The following SNX29 variants were observed in gnomAD, a reference collection of about 807,000 sequenced individuals.
SNX29 encodes the protein sorting nexin-29.
In SNX29, 78 loss-of-function variants were observed where a neutral mutation model predicts 102.1. The ratio of observed to expected loss-of-function variants is 0.76; its 90% CI spans 0.64 to 0.92. The LOEUF is 0.92. SNX29 is among the 40% of genes least tolerant of loss of function. The pLI is 0.00. For synonymous variants in SNX29, 580 were observed against 414.5 expected, an observed-to-expected ratio of 1.40 and a Z score of -4.85; for missense variants, 1,280 against 1,061.7, an observed-to-expected ratio of 1.21 and a Z score of -2.86.
chr16:12,070,590 G>A (rs139811356), intron 10 of SNX29, among the ~76,000 whole-genome samples: 5 of 151,738 alleles, frequency 3.3e-5, no homozygotes, highest in Admixed American at 6.6e-5. Flanking sequence ...TTGGACATTC[G>A]GGTTGGTTCC....
At chr16:12,102,784 G>T (rs1160136254) in intron 11 of SNX29, among the ~76,000 whole-genome samples, 1 of 152,228 alleles carries the variant, frequency 6.6e-6, no homozygotes, top group East Asian at 1.9e-4. Flanking sequence ...TCTGTTTGCA[G>T]ATGACATGAT....
intron 18 of SNX29, among the ~76,000 whole-genome samples, chr16:12,437,771 G>A (rs1052727433): frequency 1.3e-5 from 2 of 152,114 alleles, no homozygotes; most frequent in African/African-American, 4.8e-5. Context: ...AAAAATGCAC[G>A]CTGGCTGCTG....
At chr16:12,506,344 C>A (rs997814404) in intron 19 of SNX29, among the ~76,000 whole-genome samples, 2 of 152,174 alleles carry the variant, frequency 1.3e-5, no homozygotes, top group African/African-American at 4.8e-5. Flanking sequence ...CTGCGCCTGT[C>A]CCTGTAACTG....
At chr16:12,302,587 G>C (rs1216164813) in intron 15 of SNX29, among the ~76,000 whole-genome samples, 3 of 152,142 alleles carry the variant, frequency 2.0e-5, no homozygotes, top group African/African-American at 4.8e-5. Context: ...TTTTTTATAA[G>C]GGCATAAATC....
At chr16:12,330,210 C>A (rs763191315) in intron 15 of SNX29, among the ~76,000 whole-genome samples, 1 of 152,102 alleles carries the variant, frequency 6.6e-6, no homozygotes, top group Non-Finnish European at 1.5e-5. Context: ...AAATGGTGGT[C>A]CCCTTGTGGC....
At chr16:12,043,560 T>G (rs1406070626) in intron 5 of SNX29, among the ~76,000 whole-genome samples, 1 of 151,982 alleles carries the variant, frequency 6.6e-6, no homozygotes, top group Non-Finnish European at 1.5e-5. Flanking sequence ...TCTCAGTGTG[T>G]TGCCCAGGCT....
intron 15 of SNX29, among the ~76,000 whole-genome samples, chr16:12,349,354 G>T (rs770061420): frequency 2.0e-5 from 3 of 152,196 alleles, no homozygotes; most frequent in Non-Finnish European, 4.4e-5. Flanking sequence ...CTGTGACTCT[G>T]TGTCTAGTGC....
At chr16:12,072,246 A>G (rs1321896296) in intron 10 of SNX29, among the ~76,000 whole-genome samples, 1 of 152,200 alleles carries the variant, frequency 6.6e-6, no homozygotes, top group African/African-American at 2.4e-5. Context: ...GTCTTGTGCC[A>G]GTTTTCAAAG....
At chr16:12,322,310 C>G (rs985643624) in intron 15 of SNX29, among the ~76,000 whole-genome samples, 6 of 152,114 alleles carry the variant, frequency 3.9e-5, no homozygotes, top group African/African-American at 1.4e-4. Context: ...CATAGGGTCT[C>G]TGGTGGAAAT....
intron 18 of SNX29, among the ~76,000 whole-genome samples, chr16:12,476,389 T>TATATATATATATATATATATAC (rs2087618502): frequency 7.2e-5 from 1 of 13,960 alleles, no homozygotes; most frequent in Non-Finnish European, 1.1e-4. Flanking sequence ...AAAAAATATA[T>TATATATATATATATATATATAC]ATATATATAT....
At chr16:12,537,393 GC>G (rs2077123911) in intron 20 of SNX29, among the ~76,000 whole-genome samples, 1 of 152,216 alleles carries the variant, frequency 6.6e-6, no homozygotes, top group Non-Finnish European at 1.5e-5. Flanking sequence ...AAGACTTTGA[GC>G]CAAACAGACC....
intron 15 of SNX29, among the ~76,000 whole-genome samples, chr16:12,353,113 A>G (rs1439238392): frequency 6.6e-6 from 1 of 152,178 alleles, no homozygotes; most frequent in Non-Finnish European, 1.5e-5. Flanking sequence ...TCACTCTAGC[A>G]TAATTTACCA....
intron 15 of SNX29, among the ~76,000 whole-genome samples, chr16:12,309,042 C>A (rs79821250): frequency 1.3e-5 from 2 of 152,178 alleles, no homozygotes; most frequent in Non-Finnish European, 2.9e-5. Context: ...GAAAGGTTGT[C>A]TCTCTTTGGG....
rs180838831 is a variant in SNX29 at position 12,158,230 on chromosome 16, C to T, written c.1595+28472C>T. On this transcript the variant is annotated intron_variant, in intron 13 of 20. Coordinates refer to ENST00000566228, the MANE Select transcript of SNX29 (RefSeq NM_032167.5). The stretch of plus-strand genomic sequence containing the variant: ...ATTTTTATTTTTTGAGAGAGGGTCT[C>T]GCTCTGGCACCCAGGCTGGAGTGCA... Among the ~76,000 whole-genome samples, 484 of 152,146 alleles carry T rather than the reference C, an allele frequency of 3.2e-3. 1 individual carries two copies. Among genetic ancestry groups the T allele is most frequent in the Non-Finnish European group, 5.4e-3 (364 of 68,012 alleles).
intron 16 of SNX29, chr16:12,376,007 T>C (rs2082859527): frequency 8.4e-6 from 1 of 119,642 alleles, no homozygotes; most frequent in South Asian, 2.6e-4. Flanking sequence ...CATTCCAGTC[T>C]GGGTGACAGA....
intron 8 of SNX29, among the ~76,000 whole-genome samples, chr16:12,060,646 G>T (rs900576186): frequency 6.6e-6 from 1 of 152,146 alleles, no homozygotes; most frequent in African/African-American, 2.4e-5. Context: ...ATTTGCAGGG[G>T]TTTTTTGAAA....
chr16:12,178,443 C>T (rs934263817), intron 13 of SNX29, among the ~76,000 whole-genome samples: 2 of 152,160 alleles, frequency 1.3e-5, no homozygotes, highest in Non-Finnish European at 2.9e-5. Flanking sequence ...TCAGTCAGGA[C>T]GGCACCCAGC....
chr16:12,424,144 T>G (rs915171938), intron 18 of SNX29, among the ~76,000 whole-genome samples: 4 of 152,304 alleles, frequency 2.6e-5, no homozygotes, highest in African/African-American at 9.6e-5. Flanking sequence ...TTTTCAGATT[T>G]CAGAAGCCAA....
At chr16:12,547,614 A>C (rs2077691009) in intron 20 of SNX29, among the ~76,000 whole-genome samples, 2 of 152,168 alleles carry the variant, frequency 1.3e-5, no homozygotes, top group South Asian at 4.2e-4. Context: ...CAGCCTCAGC[A>C]CCACTAAGCT....
Sources: gnomAD v4.1 joint callset for allele counts (sites outside exome capture counted in the v4.1 genomes callset) on GRCh38, gnomAD v4.1.1 for gene constraint, MANE v1.5 for transcripts, NCBI Gene and HGNC (gene_info 2026-07-23, HGNC 2026-07-21) for gene names.